CMSS1: variants seen among roughly 807,000 people sequenced by gnomAD.
The protein encoded by CMSS1 is cms1 ribosomal small subunit homolog, also known as protein CMSS1.
Under a neutral mutation model 43.5 loss-of-function variants are expected in CMSS1, and 33 were observed. The observed-to-expected ratio is 0.76, with a 90% CI of 0.57 to 1.01. CMSS1 has a LOEUF of 1.01. Among genes scored for constraint, CMSS1 ranks in the 50% least tolerant of loss-of-function variants. The probability of loss-of-function intolerance (pLI) is 0.00; values close to 1 mark genes in which losing one functional copy is unlikely to be tolerated. For missense variants in CMSS1, 313 were observed against 326.4 expected (o/e 0.96, Z 0.32); for synonymous variants, 115 against 117.2 (o/e 0.98, Z 0.12).
At chr3:99,922,112 G>GGACA (rs1385389369) in intron 1 of CMSS1, among the ~76,000 whole-genome samples, 1 of 152,148 alleles carries the variant, frequency 6.6e-6, no homozygotes, top group Non-Finnish European at 1.5e-5. Flanking sequence ...CCCTGGGCAG[G>GGACA]GACAGTCTGT....
intron 1 of CMSS1, among the ~76,000 whole-genome samples, chr3:99,936,360 G>A (rs1707667425): frequency 7.2e-6 from 1 of 138,230 alleles, no homozygotes; most frequent in South Asian, 2.3e-4. Context: ...AGGAACTGAA[G>A]CTTGAAGCCT....
At position 99,872,574 on chromosome 3, in the gene CMSS1, C is replaced by G. The variant is rs993287338; in HGVS notation, c.64+54531C>G. Among the ~76,000 whole-genome samples the G allele has an allele frequency of 4.2e-4, 64 of 152,132 alleles. 1 individual carries two copies. Among genetic ancestry groups the G allele is most frequent in the African/African-American group, 1.4e-3 (60 of 41,490 alleles). On this transcript the variant is annotated intron_variant, in intron 1 of 9. Transcript: ENST00000421999. ...ACTTACCTCCCTACTGCTCCCCTGC[C>G]TGCCCCCACAAACACATCATTCCCC...
chr3:100,060,331 C>T (rs1206001240), intron 1 of CMSS1, among the ~76,000 whole-genome samples: 1 of 152,088 alleles, frequency 6.6e-6, no homozygotes, highest in East Asian at 1.9e-4. Flanking sequence ...TTTCCCACTC[C>T]ACCTCCTCTT....
chr3:100,136,858 G>GA (rs1468013592), intron 1 of CMSS1, among the ~76,000 whole-genome samples: 3 of 152,126 alleles, frequency 2.0e-5, no homozygotes, highest in East Asian at 1.9e-4. Context: ...TAATTATTTT[G>GA]AAAAAATGTG....
At chr3:100,023,572 G>A (rs578065590) in intron 1 of CMSS1, 4 of 152,674 alleles carry the variant, frequency 2.6e-5, no homozygotes, top group South Asian at 2.1e-4. Context: ...GAACATTTTT[G>A]TAAACAGATC....
At position 100,169,410 on chromosome 3, in the gene CMSS1, A is replaced by T. The variant is rs114807794; in HGVS notation, c.518+1570A>T. 5.4e-3 allele frequency among the ~76,000 whole-genome samples: 819 copies of T among 152,350 alleles called. 8 individuals carry two copies. Among genetic ancestry groups the T allele is most frequent in the African/African-American group, 0.019 (798 of 41,586 alleles). ...GAGCCTGGCTCTGGGCCAGGCTTTGACAGGAGACAAAACAAAGGAAAATCC... is the reference window on the plus strand; with the variant it reads ...GAGCCTGGCTCTGGGCCAGGCTTTGTCAGGAGACAAAACAAAGGAAAATCC... On this transcript the variant is annotated intron_variant, in intron 6 of 9. Coordinates refer to ENST00000421999, the MANE Select transcript of CMSS1 (RefSeq NM_032359.4).
chr3:99,850,061 A>G (rs1943592894), intron 1 of CMSS1: 1 of 1,611,848 alleles, frequency 6.2e-7, no homozygotes, highest in African/African-American at 1.3e-5. Context: ...TCCTCAATTA[A>G]CTTCTCAGTA....
At chr3:99,822,473 G>C (rs559626085) in intron 1 of CMSS1, among the ~76,000 whole-genome samples, 23 of 152,286 alleles carry the variant, frequency 1.5e-4, no homozygotes, top group African/African-American at 5.3e-4. Context: ...GCTCACGCCT[G>C]TAGTCCCTAC....
chr3:100,139,618 T>A (rs1400879150), intron 1 of CMSS1, among the ~76,000 whole-genome samples: 2 of 148,614 alleles, frequency 1.3e-5, no homozygotes, highest in Non-Finnish European at 3.0e-5. Flanking sequence ...TGTGTGTATA[T>A]ATATATATAT....
intron 1 of CMSS1, among the ~76,000 whole-genome samples, chr3:99,980,718 G>A (rs1709095398): frequency 6.6e-6 from 1 of 152,144 alleles, no homozygotes; most frequent in Non-Finnish European, 1.5e-5. Flanking sequence ...CTTGCACCCT[G>A]CCTAGCACTT....
intron 1 of CMSS1, among the ~76,000 whole-genome samples, chr3:99,937,917 G>GA (rs1484947195): frequency 2.0e-5 from 3 of 152,108 alleles, no homozygotes; most frequent in Non-Finnish European, 4.4e-5. Context: ...TGAAGTAAAT[G>GA]AAAAAAACAG....
At chr3:99,862,461 T>G (rs1490152583) in intron 1 of CMSS1, among the ~76,000 whole-genome samples, 1 of 152,192 alleles carries the variant, frequency 6.6e-6, no homozygotes, top group East Asian at 1.9e-4. Flanking sequence ...ATAATGATTG[T>G]CATTTTAGGT....
chr3:99,882,436 G>T (rs1705759756), intron 1 of CMSS1, among the ~76,000 whole-genome samples: 1 of 152,160 alleles, frequency 6.6e-6, no homozygotes. Context: ...ATAATGGCTG[G>T]AAATGTATTC....
intron 1 of CMSS1, among the ~76,000 whole-genome samples, chr3:99,937,555 G>A (rs1340153714): frequency 6.6e-6 from 1 of 152,216 alleles, no homozygotes; most frequent in African/African-American, 2.4e-5. Context: ...GGGCGTCAGT[G>A]AGCCTTTAAA....
chr3:100,004,858 C>T (rs1326300781), intron 1 of CMSS1, among the ~76,000 whole-genome samples: 1 of 152,188 alleles, frequency 6.6e-6, no homozygotes, highest in Non-Finnish European at 1.5e-5. Flanking sequence ...AATCTGGCCA[C>T]TGAGAGATTA....
intron 1 of CMSS1, among the ~76,000 whole-genome samples, chr3:100,037,872 C>G (rs2065133608): frequency 6.6e-6 from 1 of 151,952 alleles, no homozygotes; most frequent in Non-Finnish European, 1.5e-5. Context: ...CTCACAATTA[C>G]CTGAGTAGCT....
chr3:100,162,366 A>T lies in CMSS1; in HGVS notation c.289A>T (p.Lys97Ter), dbSNP rs1348710923. The T allele has an allele frequency of 6.2e-7, 1 of 1,613,718 alleles. No individual in the cohort carries two copies. The highest frequency in any genetic ancestry group is 2.2e-5 in the East Asian group (1 of 44,872). ...ACCAGGGTTACCTGAAGACCTACAG[A>T]AGCTGATGAAGGACTATTATAGCAG... Reference protein sequence around the residue: ...PKPGLPEDLQKLMKDYYSSRR... With the variant: ...PKPGLPEDLQ Residue 97 changes from lysine to a stop codon, truncating the protein, a stop_gained, in exon 4 of 10, where the codon AAG becomes TAG. Transcript: ENST00000421999. LOFTEE classifies it high-confidence loss of function.
chr3:100,120,258 C>T (rs1392200518), intron 1 of CMSS1, among the ~76,000 whole-genome samples: 1 of 152,246 alleles, frequency 6.6e-6, no homozygotes, highest in Non-Finnish European at 1.5e-5. Context: ...GCATAGCTAT[C>T]ATCGTTCAGT....
At chr3:100,032,784 T>C (rs537308250) in intron 1 of CMSS1, among the ~76,000 whole-genome samples, 4 of 152,324 alleles carry the variant, frequency 2.6e-5, no homozygotes, top group Admixed American at 6.5e-5. Flanking sequence ...GTAATGCAGT[T>C]GTGTGTAACA....
Sources: allele counts gnomAD v4.1 joint callset (sites outside exome capture counted in the v4.1 genomes callset), GRCh38; gene constraint gnomAD v4.1.1; transcripts MANE v1.5; gene names NCBI Gene and HGNC (gene_info 2026-07-23, HGNC 2026-07-21).